Variants in PCLO observed in about 807,000 individuals in gnomAD.
PCLO encodes piccolo presynaptic cytomatrix protein.
A neutral mutation model predicts 427.5 loss-of-function variants in PCLO; 82 were observed. That is an observed-to-expected ratio of 0.19 (90% CI 0.16 to 0.23). The LOEUF (loss-of-function observed/expected upper bound fraction) is 0.23, where lower values mean the gene tolerates loss of function less well. Ranked by LOEUF, PCLO falls within the 10% of genes least tolerant of loss-of-function variation. PCLO has a pLI of 1.00. For missense variants in PCLO, 6,239 were observed against 6,115.9 expected (o/e 1.02, Z -0.67); for synonymous variants, 2,357 against 2,155.4 (o/e 1.09, Z -2.59).
intron 3 of PCLO, among the ~76,000 whole-genome samples, chr7:83,026,046 C>A (rs1236692188): frequency 2.0e-5 from 3 of 151,870 alleles, no homozygotes; most frequent in African/African-American, 7.3e-5. Flanking sequence ...ACTGCATCAA[C>A]TAACGAGCAA....
intron 10 of PCLO, 105 bp from the exon 11 acceptor site, chr7:82,847,352 C>T (rs1562815825): frequency 1.6e-6 from 1 of 627,848 alleles, no homozygotes; most frequent in East Asian, 2.8e-5. Flanking sequence ...ACTCAGCACA[C>T]CATTTTAGAG....
At chr7:82,878,223 T>C (rs74336364) in intron 10 of PCLO, among the ~76,000 whole-genome samples, 3,067 of 152,240 alleles carry the variant, frequency 0.02, 110 homozygotes, top group African/African-American at 0.07. Flanking sequence ...AGCATAACAT[T>C]GTGATGAATA....
chr7:82,903,685 G>GT (rs1463834754), intron 8 of PCLO, among the ~76,000 whole-genome samples: 16 of 151,876 alleles, frequency 1.1e-4, no homozygotes, highest in African/African-American at 3.9e-4. Context: ...ATGGAATTTT[G>GT]TATGTATTGT....
At chr7:82,848,087 T>G (rs573976679) in intron 10 of PCLO, among the ~76,000 whole-genome samples, 1 of 152,136 alleles carries the variant, frequency 6.6e-6, no homozygotes, top group East Asian at 1.9e-4. Context: ...TATTTCAATA[T>G]TTTACATCTA....
chr7:83,074,625 T>C (rs1200869067), intron 3 of PCLO, among the ~76,000 whole-genome samples: 1 of 152,102 alleles, frequency 6.6e-6, no homozygotes, highest in African/African-American at 2.4e-5. Flanking sequence ...TTCTTTTTAT[T>C]TTACACGTTC....
intron 3 of PCLO, among the ~76,000 whole-genome samples, chr7:82,998,054 G>A (rs1787673471): frequency 6.6e-6 from 1 of 151,912 alleles, no homozygotes; most frequent in Non-Finnish European, 1.5e-5. Flanking sequence ...CTCAAAATTG[G>A]AGAGACAGGT....
chr7:82,761,423 T>C lies in PCLO; in HGVS notation c.15078A>G (p.Leu5026=). 6.3e-7 allele frequency: 1 copy of C among 1,576,282 alleles called. No homozygotes were observed. The highest frequency in any genetic ancestry group is 1.1e-5 in the South Asian group (1 of 89,158). Residue 5026 remains leucine, a synonymous_variant, in exon 23 of 25, where the codon CTA becomes CTG. Transcript: ENST00000333891. ...KKEMKTDGEQ[L]IVEILQCRNI... ...TTCTGCATTGGAGAATTTCAACTATTAGTTGTTCACCATCTGTCTTCATTT... is the reference window on the plus strand; with the variant it reads ...TTCTGCATTGGAGAATTTCAACTATCAGTTGTTCACCATCTGTCTTCATTT...
At chr7:82,866,315 C>T (rs964627099) in intron 10 of PCLO, among the ~76,000 whole-genome samples, 6 of 151,722 alleles carry the variant, frequency 4.0e-5, no homozygotes, top group East Asian at 1.9e-4. Flanking sequence ...CGTTTATTAT[C>T]GTCTAATATA....
At chr7:83,032,980 G>A (rs1456629668) in intron 3 of PCLO, among the ~76,000 whole-genome samples, 4 of 152,052 alleles carry the variant, frequency 2.6e-5, no homozygotes, top group Admixed American at 2.0e-4. Context: ...TTTCCTCCAT[G>A]CTGTTCTTGT....
chr7:82,963,087 C>G (rs766536595), intron 4 of PCLO, among the ~76,000 whole-genome samples: 4 of 151,874 alleles, frequency 2.6e-5, no homozygotes, highest in Non-Finnish European at 4.4e-5. Context: ...CAGCAATATG[C>G]TGGGTATTAT....
At chr7:82,859,012 T>C (rs755459149) in intron 10 of PCLO, among the ~76,000 whole-genome samples, 10 of 151,220 alleles carry the variant, frequency 6.6e-5, no homozygotes, top group Non-Finnish European at 1.3e-4. Flanking sequence ...GGGGTGAGGC[T>C]TGGCTCCTCT....
intron 16 of PCLO, among the ~76,000 whole-genome samples, chr7:82,830,745 C>CATGTA (rs1792074295): frequency 6.6e-6 from 1 of 151,876 alleles, no homozygotes; most frequent in Non-Finnish European, 1.5e-5. Flanking sequence ...AATGCAAACC[C>CATGTA]ATGTACTATC....
intron 3 of PCLO, among the ~76,000 whole-genome samples, chr7:82,993,759 C>T (rs1477985634): frequency 2.6e-5 from 4 of 151,964 alleles, no homozygotes; most frequent in African/African-American, 9.7e-5. Flanking sequence ...TGGAACTAAA[C>T]CAGCAAAGCT....
intron 9 of PCLO, 42 bp downstream of exon 9, chr7:82,902,609 C>CA (rs764375122): frequency 1.0e-5 from 12 of 1,205,812 alleles, no homozygotes; most frequent in Non-Finnish European, 5.9e-6. Context: ...CAAAACAAAA[C>CA]AAAAAAACAA....
chr7:82,788,839 G>A lies in PCLO; in HGVS notation c.15007+12679C>T, dbSNP rs572378588. Among the ~76,000 whole-genome samples, 10 of 151,000 alleles carry A rather than the reference G, an allele frequency of 6.6e-5. No homozygotes were observed. The South Asian group carries it at 1.3e-3, about 19-fold the overall frequency. On this transcript the variant is annotated intron_variant, in intron 22 of 24. Coordinates refer to ENST00000333891, the MANE Select transcript of PCLO (RefSeq NM_033026.6). ...ACGTCTCCATGTTATCATGTTTGCC[G>A]TTGTAACAATTCAACCTAGACTGAT...
At chr7:83,064,159 T>C (rs919894142) in intron 3 of PCLO, among the ~76,000 whole-genome samples, 1 of 151,958 alleles carries the variant, frequency 6.6e-6, no homozygotes, top group Non-Finnish European at 1.5e-5. Flanking sequence ...ATACAAATTA[T>C]GGGACAAAGA....
At chr7:82,765,665 T>G (rs1046734421) in intron 22 of PCLO, among the ~76,000 whole-genome samples, 1 of 152,054 alleles carries the variant, frequency 6.6e-6, no homozygotes, top group African/African-American at 2.4e-5. Context: ...TTATACATTC[T>G]TGACAGATGG....
chr7:83,092,124 AACTC>A (rs1584010819), intron 3 of PCLO, among the ~76,000 whole-genome samples: 1 of 152,316 alleles, frequency 6.6e-6, no homozygotes, highest in East Asian at 1.9e-4. Context: ...GAGCATGAGG[AACTC>A]ACTAAGTCAG....
intron 3 of PCLO, among the ~76,000 whole-genome samples, chr7:83,042,409 G>T (rs1285609808): frequency 6.6e-6 from 1 of 152,076 alleles, no homozygotes; most frequent in Non-Finnish European, 1.5e-5. Flanking sequence ...ATAATCTCTT[G>T]AAATAATTCT....
Sources: allele counts gnomAD v4.1 joint callset (sites outside exome capture counted in the v4.1 genomes callset), GRCh38; gene constraint gnomAD v4.1.1; transcripts MANE v1.5; gene names NCBI Gene and HGNC (gene_info 2026-07-23, HGNC 2026-07-21).